The following NFKBIA variants were observed in gnomAD, a reference collection of about 807,000 sequenced individuals.
NFKBIA encodes NF-kappa-B inhibitor alpha.
A neutral mutation model predicts 36.3 loss-of-function variants in NFKBIA; 10 were observed. The ratio of observed to expected loss-of-function variants is 0.28; its 90% CI spans 0.17 to 0.47. The LOEUF (loss-of-function observed/expected upper bound fraction) is 0.47. Ranked by LOEUF, NFKBIA falls within the 20% of genes least tolerant of loss-of-function variation. The pLI, the probability that NFKBIA is intolerant of heterozygous loss-of-function variation, is 0.99. For synonymous variants in NFKBIA, 205 were observed against 164.4 expected (o/e 1.25, Z -1.89); for missense variants, 355 against 399.3 (o/e 0.89, Z 0.94).
At chr14:35,404,316 G>C (rs1329520455) in intron 1 of NFKBIA, 102 bp downstream of exon 1, 1 of 842,386 alleles carries the variant, frequency 1.2e-6, no homozygotes, top group African/African-American at 1.8e-5. Flanking sequence ...CGGCTGCATC[G>C]CTGGTCCCCC....
chr14:35,403,097 T>C, intron 3 of NFKBIA, 53 bp downstream of exon 3: 1 of 1,585,286 alleles, frequency 6.3e-7, no homozygotes, highest in East Asian at 2.2e-5. Flanking sequence ...CTGCCCCTTC[T>C]CCACGTCACC....
chr14:35,402,448 C>G lies in NFKBIA; in HGVS notation c.852G>C (p.Glu284Asp), dbSNP rs1566589966. 1 of 1,614,160 alleles carries G rather than the reference C, an allele frequency of 6.2e-7. No individual in the cohort carries two copies. The highest frequency in any genetic ancestry group is 2.2e-5 in the East Asian group (1 of 44,888). The change falls in exon 5 of 6, where the codon GAG becomes GAC. Residue 284 changes from glutamate to aspartate, a missense_variant. By Grantham distance (45) the Glu-to-Asp change is conservative. Coordinates refer to ENST00000216797, the MANE Select transcript of NFKBIA (RefSeq NM_020529.3). Reference protein sequence around the residue: ...LENLQMLPESEDEESYDTESE... With the variant: ...LENLQMLPESDDEESYDTESE... ...ACTCTGTGTCATAGCTCTCCTCATC[C>G]TCACTCTCTGGCAGCATCTGAAGGT...
At chr14:35,402,281 TGAGA>T in intron 5 of NFKBIA, 109 bp downstream of exon 5, 1 of 1,362,316 alleles carries the variant, frequency 7.3e-7, no homozygotes. Flanking sequence ...CACAGAAATT[TGAGA>T]GACTCATTAT....
intron 3 of NFKBIA, 83 bp from the exon 4 acceptor site, chr14:35,402,942 T>G: frequency 1.4e-6 from 2 of 1,408,158 alleles, no homozygotes. Context: ...ACAAGTAGTC[T>G]TATCTTCTGA....
Position 35,401,905 on chromosome 14 carries a change from G to T in NFKBIA, c.*108C>A. ...TTTGGGCCAGGCAGTGTGCAGTGTGGATATAAGTACACCCTTTAAATTTTT... is the reference window on the plus strand; with the variant it reads ...TTTGGGCCAGGCAGTGTGCAGTGTGTATATAAGTACACCCTTTAAATTTTT... On this transcript the variant is annotated 3_prime_UTR_variant, in exon 6 of 6. Coordinates refer to ENST00000216797, the MANE Select transcript of NFKBIA (RefSeq NM_020529.3). 1 of 1,252,066 alleles carries T rather than the reference G, an allele frequency of 8.0e-7. No individual in the cohort carries two copies. Among genetic ancestry groups the T allele is most frequent in the Non-Finnish European group, 1.2e-6 (1 of 863,110 alleles). 77.6% of individuals were successfully genotyped at this position (1,252,066 alleles called of 1,614,324 possible).
chr14:35,403,584 G>T, intron 2 of NFKBIA, 106 bp downstream of exon 2: 3 of 897,138 alleles, frequency 3.3e-6, no homozygotes, highest in Non-Finnish European at 5.5e-6. Context: ...AAAGGTGAGG[G>T]TAAATAGTGC....
chr14:35,404,121 G>T, intron 1 of NFKBIA: 2 of 392,228 alleles, frequency 5.1e-6, no homozygotes, highest in Non-Finnish European at 9.3e-6. Flanking sequence ...CGGGGACTTC[G>T]CGTCCCCGCT....
intron 1 of NFKBIA, chr14:35,404,158 G>C: frequency 3.0e-6 from 1 of 334,316 alleles, no homozygotes; most frequent in Non-Finnish European, 5.5e-6. Flanking sequence ...CCTAGAGGAC[G>C]GGTCTGGGGG....
intron 1 of NFKBIA, 45 bp downstream of exon 1, chr14:35,404,372 GT>G: frequency 1.2e-6 from 1 of 829,718 alleles, no homozygotes. Context: ...GGCCGCGCGC[GT>G]CCCGCCCTCC....
chr14:35,402,437 C>T lies in NFKBIA; in HGVS notation c.863G>A (p.Ser288Asn), dbSNP rs1252405613. The change falls in exon 5 of 6, where the codon AGC becomes AAC. Residue 288 changes from serine to asparagine, a missense_variant. By Grantham distance (46) the Ser-to-Asn change is conservative. Transcript: ENST00000216797. ...CGTGAACTCTGACTCTGTGTCATAG[C>T]TCTCCTCATCCTCACTCTCTGGCAG... ...QMLPESEDEE[S>N]YDTESEFTEF... 3 of 1,614,046 alleles carry T rather than the reference C, an allele frequency of 1.9e-6. No homozygotes were observed. Among genetic ancestry groups the T allele is most frequent in the African/African-American group, 2.7e-5 (2 of 74,910 alleles).
At chr14:35,403,654 G>A in intron 2 of NFKBIA, 36 bp downstream of exon 2, 1 of 1,475,116 alleles carries the variant, frequency 6.8e-7, no homozygotes, top group Non-Finnish European at 9.5e-7. Context: ...CTACGTCCCA[G>A]GGTCAGAGAG....
At chr14:35,403,447 T>C (rs556647192) in intron 2 of NFKBIA, 87 bp from the exon 3 acceptor site, 1 of 1,427,114 alleles carries the variant, frequency 7.0e-7, no homozygotes, top group East Asian at 2.3e-5. Flanking sequence ...CCTGGTTGGG[T>C]GCTGCTCCTC....
rs1246647404 is a variant in NFKBIA at position 35,403,348 on chromosome 14, A to G, written c.349T>C (p.Leu117=). The G allele has an allele frequency of 1.2e-6, 2 of 1,614,022 alleles. No individual in the cohort carries two copies. Among genetic ancestry groups the G allele is most frequent in the Non-Finnish European group, 1.7e-6 (2 of 1,180,004 alleles). Residue 117 remains leucine (L), a synonymous_variant, in exon 3 of 6, where the codon TTG becomes CTG. Coordinates refer to ENST00000216797, the MANE Select transcript of NFKBIA (RefSeq NM_020529.3). ...QNNLQQTPLH[L]AVITNQPEIA... Reference sequence around the variant, plus strand: ...TCTGGCTGGTTGGTGATCACAGCCAAGTGGAGTGGAGTCTACGAATGCAAG... The same window carrying G: ...TCTGGCTGGTTGGTGATCACAGCCAGGTGGAGTGGAGTCTACGAATGCAAG...
chr14:35,404,732 G>A lies in NFKBIA; in HGVS notation c.-88C>T, dbSNP rs985985127. 6 of 969,768 alleles carry A rather than the reference G, an allele frequency of 6.2e-6. No individual in the cohort carries two copies. In the African/African-American group the frequency reaches 1.0e-4, roughly 17 times the overall value. The allele number at this position is 969,768 out of a possible 1,614,324, so 60.1% of individuals were successfully genotyped here. A position where few individuals can be genotyped will look rare whatever the true frequency, so the allele number is the denominator to read the frequency against. ...TCGCTGGGGCGCTGGCGGGCGGGAC[G>A]GCGGCACGGACTGCTGTGGGCTCTG... On this transcript the variant is annotated 5_prime_UTR_variant, in exon 1 of 6. Transcript: ENST00000216797.
rs763183892 is a variant in NFKBIA at position 35,403,232 on chromosome 14, G to A, written c.465C>T (p.Gly155=). Residue 155 remains glycine, a synonymous_variant, in exon 3 of 6, where the codon GGC becomes GGT. Coordinates refer to ENST00000216797, the MANE Select transcript of NFKBIA (RefSeq NM_020529.3). ...NTPLHLACEQ[G]CLASVGVLTQ... is the part of the protein sequence containing the mutation. ...TCAGGACTCCCACGCTGGCCAGGCAGCCCTGCTCACAGGCAAGGTGTAGGG... is the reference window on the plus strand; with the variant it reads ...TCAGGACTCCCACGCTGGCCAGGCAACCCTGCTCACAGGCAAGGTGTAGGG... 43 of 1,612,998 alleles carry A rather than the reference G, an allele frequency of 2.7e-5. No homozygotes were observed. The South Asian group carries it at 3.1e-4, about 12-fold the overall frequency.
At chr14:35,402,322 C>G in intron 5 of NFKBIA, 72 bp downstream of exon 5, 5 of 1,575,626 alleles carry the variant, frequency 3.2e-6, no homozygotes, top group Non-Finnish European at 4.4e-6. Context: ...TAAGGAGCAG[C>G]TCTAGGGGCC....
chr14:35,404,374 C>T, intron 1 of NFKBIA, 44 bp downstream of exon 1: 1 of 486,232 alleles, frequency 2.1e-6, no homozygotes, highest in Non-Finnish European at 3.8e-6. Flanking sequence ...CCGCGCGCGT[C>T]CCGCCCTCCC....
chr14:35,402,287 A>T, intron 5 of NFKBIA, 107 bp downstream of exon 5: 1 of 1,384,478 alleles, frequency 7.2e-7, no homozygotes, highest in Admixed American at 1.7e-5. Flanking sequence ...AATTTGAGAG[A>T]CTCATTATGT....
intron 2 of NFKBIA, 124 bp downstream of exon 2, chr14:35,403,566 G>A (rs561831587): frequency 9.1e-6 from 8 of 879,260 alleles, no homozygotes; most frequent in African/African-American, 6.6e-5. Context: ...GTGGGCTGAT[G>A]TGAAGTAAAA....
Sources: gnomAD v4.1 joint callset for allele counts on GRCh38, gnomAD v4.1.1 for gene constraint, MANE v1.5 for transcripts, NCBI Gene and HGNC (gene_info 2026-07-23, HGNC 2026-07-21) for gene names.